RGL1: variants seen among roughly 807,000 people sequenced by gnomAD.
The protein encoded by RGL1 is ral guanine nucleotide dissociation stimulator like 1.
A neutral mutation model predicts 95.2 loss-of-function variants in RGL1; 24 were observed. That is an observed-to-expected ratio of 0.25 (90% CI 0.18 to 0.35). The LOEUF (loss-of-function observed/expected upper bound fraction) is 0.35, where lower values mean the gene tolerates loss of function less well. Ranked by LOEUF, RGL1 falls within the 10% of genes least tolerant of loss-of-function variation. The pLI is 1.00. For synonymous variants in RGL1, 329 were observed against 344.9 expected, an observed-to-expected ratio of 0.95 and a Z score of 0.51; for missense variants, 715 against 936.3, an observed-to-expected ratio of 0.76 and a Z score of 3.08.
At chr1:183,904,780 A>T in intron 12 of RGL1, 70 bp from the exon 13 acceptor site, 2 of 1,459,744 alleles carry the variant, frequency 1.4e-6, no homozygotes, top group Non-Finnish European at 1.9e-6. Context: ...TCATGTTGAA[A>T]GATTCTATAT....
rs191380879 is a variant in RGL1 at position 183,768,135 on chromosome 1, T to C, written c.132+25846T>C. Among the ~76,000 whole-genome samples the C allele has an allele frequency of 4.6e-5, 7 of 151,628 alleles. No individual in the cohort carries two copies. In the East Asian group the frequency reaches 1.4e-3, roughly 29 times the overall value. On this transcript the variant is annotated intron_variant, in intron 2 of 18. Transcript: ENST00000304685. ...CGTCTTCTCTGTATGTGCATGAAGG[T>C]AGACACACAGAGAAACAGAAAAAAA... is the stretch of plus-strand genomic sequence containing the variant.
At chr1:183,857,857 G>A (rs576156387) in intron 3 of RGL1, among the ~76,000 whole-genome samples, 43 of 152,306 alleles carry the variant, frequency 2.8e-4, no homozygotes, top group Non-Finnish European at 6.0e-4. Flanking sequence ...TGTGGCGACT[G>A]TAGAGCCTTA....
At chr1:183,830,888 A>C (rs945524631) in intron 2 of RGL1, among the ~76,000 whole-genome samples, 1 of 152,248 alleles carries the variant, frequency 6.6e-6, no homozygotes, top group Non-Finnish European at 1.5e-5. Flanking sequence ...CAAGGTATCC[A>C]TGGAGTTTCG....
At chr1:183,907,249 T>G (rs777700391) in intron 14 of RGL1, 148 bp downstream of exon 14, 3 of 618,858 alleles carry the variant, frequency 4.8e-6, no homozygotes, top group African/African-American at 3.7e-5. Flanking sequence ...TGTCATGAAC[T>G]CAAAGCATTT....
intron 1 of RGL1, among the ~76,000 whole-genome samples, chr1:183,720,728 G>T (rs1334553696): frequency 6.6e-6 from 1 of 152,212 alleles, no homozygotes; most frequent in Non-Finnish European, 1.5e-5. Flanking sequence ...GAGAGTAGGA[G>T]TTTACCTACT....
intron 1 of RGL1, among the ~76,000 whole-genome samples, chr1:183,741,189 T>C (rs1657277928): frequency 6.6e-6 from 1 of 152,170 alleles, no homozygotes; most frequent in Non-Finnish European, 1.5e-5. Flanking sequence ...GATCCTTGGA[T>C]GCTGTGTGAA....
intron 1 of RGL1, among the ~76,000 whole-genome samples, chr1:183,675,361 C>G (rs1190362427): frequency 6.7e-6 from 1 of 149,884 alleles, no homozygotes; most frequent in African/African-American, 2.5e-5. Flanking sequence ...TCCTTCCATC[C>G]TCCCACCCTC....
At chr1:183,732,118 A>G (rs1427251176) in intron 1 of RGL1, among the ~76,000 whole-genome samples, 1 of 152,176 alleles carries the variant, frequency 6.6e-6, no homozygotes, top group East Asian at 1.9e-4. Flanking sequence ...ATAGTCAGTC[A>G]GATTGGCCCA....
chr1:183,756,711 C>G (rs1292514988), intron 2 of RGL1, among the ~76,000 whole-genome samples: 2 of 152,148 alleles, frequency 1.3e-5, no homozygotes, highest in Non-Finnish European at 2.9e-5. Flanking sequence ...AATTCTTCCT[C>G]TCCAACTAGA....
chr1:183,892,082 G>A lies in RGL1; in HGVS notation c.1061G>A (p.Arg354Gln), dbSNP rs753424353. The A allele has an allele frequency of 1.7e-5, 28 of 1,610,954 alleles. No homozygotes were observed. Among genetic ancestry groups the A allele is most frequent in the East Asian group, 1.1e-4 (5 of 44,822 alleles). Reference protein sequence around the residue: ...KKTWAAVPRDRMLMFEELSDI... With the variant: ...KKTWAAVPRDQMLMFEELSDI... The stretch of plus-strand genomic sequence containing the variant: ...TTCTTAATCCCTTTTCATAGGGACC[G>A]AATGCTGATGTTTGAAGAACTTTCA... The change falls in exon 9 of 18, where the codon CGA becomes CAA. Residue 354 changes from arginine to glutamine, a missense_variant. Arg to Gln is a conservative substitution (Grantham distance 43). Around this residue, in one of 3 missense-constraint regions of RGL1, gnomAD observed 381 missense variants for 484.8 expected, o/e 0.79. Transcript: ENST00000360851.
chr1:183,728,009 G>A (rs1656408585), intron 1 of RGL1, among the ~76,000 whole-genome samples: 1 of 152,102 alleles, frequency 6.6e-6, no homozygotes, highest in African/African-American at 2.4e-5. Context: ...AAAACAGGTT[G>A]CCTTCCCCAG....
intron 1 of RGL1, among the ~76,000 whole-genome samples, chr1:183,641,687 C>T (rs1183563969): frequency 1.3e-5 from 2 of 152,100 alleles, no homozygotes; most frequent in African/African-American, 2.4e-5. Context: ...TAGATTTCCA[C>T]CTTTTTTTCT....
chr1:183,712,603 G>C (rs1887246), intron 1 of RGL1, among the ~76,000 whole-genome samples: 67,659 of 152,100 alleles, frequency 0.44, 16,354 homozygotes, highest in East Asian at 0.76. Flanking sequence ...GGTTTTGGAG[G>C]CTTGGCATGA....
intron 16 of RGL1, among the ~76,000 whole-genome samples, chr1:183,920,820 G>A (rs1669271878): frequency 6.6e-6 from 1 of 152,188 alleles, no homozygotes; most frequent in Non-Finnish European, 1.5e-5. Flanking sequence ...GATCTTTGCT[G>A]CTTACAAGGA....
At chr1:183,835,210 C>A (rs1450591801) in intron 2 of RGL1, among the ~76,000 whole-genome samples, 1 of 151,778 alleles carries the variant, frequency 6.6e-6, no homozygotes, top group Non-Finnish European at 1.5e-5. Context: ...CCAGGCCTTT[C>A]TATATGCTAC....
At chr1:183,918,283 G>A (rs1669106818) in intron 16 of RGL1, among the ~76,000 whole-genome samples, 1 of 152,152 alleles carries the variant, frequency 6.6e-6, no homozygotes, top group Non-Finnish European at 1.5e-5. Context: ...ACGTGGTCTC[G>A]CGAGACTGAG....
At chr1:183,889,408 C>T (rs1016028527) in intron 8 of RGL1, among the ~76,000 whole-genome samples, 1 of 152,134 alleles carries the variant, frequency 6.6e-6, no homozygotes, top group African/African-American at 2.4e-5. Context: ...ATGGTCTATA[C>T]CACATGTGGT....
chr1:183,906,883 A>G, intron 13 of RGL1, 129 bp from the exon 14 acceptor site: 1 of 653,862 alleles, frequency 1.5e-6, no homozygotes, highest in Non-Finnish European at 2.8e-6. Flanking sequence ...TGATAGGACA[A>G]CGTTTGTATA....
chr1:183,670,861 G>A (rs1450841305), intron 1 of RGL1, among the ~76,000 whole-genome samples: 1 of 152,180 alleles, frequency 6.6e-6, no homozygotes, highest in African/African-American at 2.4e-5. Flanking sequence ...TTATTCATCT[G>A]TTGGTGGACA....
Sources: gnomAD v4.1 joint callset for allele counts (sites outside exome capture counted in the v4.1 genomes callset) on GRCh38, gnomAD v4.1.1 for gene constraint, gnomAD v4.1.1 regional missense constraint, MANE v1.5 for transcripts, NCBI Gene and HGNC (gene_info 2026-07-23, HGNC 2026-07-21) for gene names.